Variants in GRAMD1B observed in about 807,000 individuals in gnomAD.
GRAMD1B encodes the protein protein Aster-B.
Under a neutral mutation model 99.7 loss-of-function variants are expected in GRAMD1B, and 37 were observed. The ratio of observed to expected loss-of-function variants is 0.37; its 90% CI spans 0.29 to 0.49. The LOEUF (loss-of-function observed/expected upper bound fraction) is 0.49, where lower values mean the gene tolerates loss of function less well. Among genes scored for constraint, GRAMD1B ranks in the 20% least tolerant of loss-of-function variants. GRAMD1B has a pLI of 0.98. For missense variants in GRAMD1B, 888 were observed against 1,009.2 expected, an observed-to-expected ratio of 0.88 and a Z score of 1.63; for synonymous variants, 427 against 387.6, an observed-to-expected ratio of 1.10 and a Z score of -1.19.
chr11:123,428,130 A>G (rs559302870), upstream of GRAMD1B, among the ~76,000 whole-genome samples: 2 of 152,160 alleles, frequency 1.3e-5, 1 homozygote, highest in South Asian at 4.1e-4. Context: ...CTTTCTTCCC[A>G]TAAGCCCCTG....
rs551199492 is a variant in GRAMD1B, at chr11:123,510,271, G to C, written c.452+29378G>C. ...CCTGCCAGCTGGCCTCTTCCCACAT[G>C]CCCCCCTCATCCTGACCTGTGGGTA... On this transcript the variant is annotated intron_variant, in intron 2 of 19. Transcript: ENST00000635736. The surrounding 1 kb of genome is among the most constrained non-coding windows in gnomAD (Gnocchi z 4.3). Among the ~76,000 whole-genome samples the C allele has an allele frequency of 5.3e-5, 8 of 152,126 alleles. No individual in the cohort carries two copies. In the South Asian group the frequency reaches 1.7e-3, roughly 32 times the overall value.
intron 1 of GRAMD1B, among the ~76,000 whole-genome samples, chr11:123,363,567 A>G (rs1946216667): frequency 6.7e-6 from 1 of 148,308 alleles, no homozygotes; most frequent in African/African-American, 2.6e-5. Flanking sequence ...ACTCTCTCTC[A>G]TACTTTTTTT....
intron 2 of GRAMD1B, among the ~76,000 whole-genome samples, chr11:123,533,217 C>A (rs960693307): frequency 2.6e-5 from 4 of 151,894 alleles, no homozygotes; most frequent in African/African-American, 9.7e-5. Context: ...GTGATCTGCC[C>A]GCCTCAGCCT....
At chr11:123,484,091 T>C (rs2134893158) in intron 2 of GRAMD1B, among the ~76,000 whole-genome samples, 1 of 152,262 alleles carries the variant, frequency 6.6e-6, no homozygotes, top group Non-Finnish European at 1.5e-5. Flanking sequence ...GCAATCATAA[T>C]CTCAAAATTA....
chr11:123,531,791 A>T (rs1284711736), intron 2 of GRAMD1B, among the ~76,000 whole-genome samples: 1 of 144,506 alleles, frequency 6.9e-6, no homozygotes, highest in African/African-American at 2.7e-5. Context: ...ACTGAAGTGC[A>T]ATGGTGCGAT....
At chr11:123,620,225 G>A (rs1182102023) in intron 19 of GRAMD1B, among the ~76,000 whole-genome samples, 1 of 152,170 alleles carries the variant, frequency 6.6e-6, no homozygotes, top group African/African-American at 2.4e-5. Context: ...TATAATCCCA[G>A]CACTTTGAGA....
rs1940857980 is a variant in GRAMD1B, at chr11:123,510,261, C to T, written c.452+29368C>T. Among the ~76,000 whole-genome samples the T allele has an allele frequency of 6.6e-6, 1 of 152,200 alleles. No individual in the cohort carries two copies. The highest frequency in any genetic ancestry group is 2.4e-5 in the African/African-American group (1 of 41,446). On this transcript the variant is annotated intron_variant, in intron 2 of 19. Transcript: ENST00000635736. This position sits in a 1 kb window ranked among gnomAD's most constrained non-coding sequence, Gnocchi z 4.3. ...TTGCTCATTACCTGCCAGCTGGCCT[C>T]TTCCCACATGCCCCCCTCATCCTGA...
intron 1 of GRAMD1B, among the ~76,000 whole-genome samples, chr11:123,401,038 T>C (rs7946337): frequency 0.42 from 64,090 of 152,020 alleles, 13,512 homozygotes; most frequent in African/African-American, 0.45. Context: ...CCAGTCATTA[T>C]TGAAAGCAAT....
In GRAMD1B at chr11:123,424,479, A is replaced by C. The variant is rs374123352; in HGVS notation, c.-175-56337A>C. ...AGACCCTGTCTCTAATTAAAAACAAACAACCAACCAAAAACCCTTCTGCAC... is the reference window on the plus strand; with the variant it reads ...AGACCCTGTCTCTAATTAAAAACAACCAACCAACCAAAAACCCTTCTGCAC... On this transcript the variant is annotated intron_variant, in intron 1 of 20. Transcript: ENST00000638157. 3.3e-4 allele frequency among the ~76,000 whole-genome samples: 51 copies of C among 152,250 alleles called. No individual in the cohort carries two copies. In the East Asian group the frequency reaches 3.9e-3, roughly 12 times the overall value.
intron 2 of GRAMD1B, among the ~76,000 whole-genome samples, chr11:123,544,061 A>G (rs902574290): frequency 1.1e-4 from 17 of 152,142 alleles, no homozygotes; most frequent in African/African-American, 2.2e-4. Context: ...AGCCCGTGCA[A>G]TTTTCTTAAT....
chr11:123,452,656 G>T (rs562084126), intron 1 of GRAMD1B, among the ~76,000 whole-genome samples: 1 of 152,010 alleles, frequency 6.6e-6, no homozygotes, highest in Non-Finnish European at 1.5e-5. Flanking sequence ...AAAAAAAAAA[G>T]ACCTTCCTTA....
At chr11:123,603,381 G>T (rs1265044612) in intron 8 of GRAMD1B, 45 bp from the exon 9 acceptor site, 1 of 1,186,238 alleles carries the variant, frequency 8.4e-7, no homozygotes. Context: ...CAGAGTCGGG[G>T]GACCTGAGGG....
chr11:123,539,822 T>C (rs1328451906), intron 2 of GRAMD1B, among the ~76,000 whole-genome samples: 1 of 152,214 alleles, frequency 6.6e-6, no homozygotes, highest in Non-Finnish European at 1.5e-5. Context: ...TTAATTCTGC[T>C]GTTCCTTTGC....
chr11:123,516,021 G>A (rs969146160), intron 2 of GRAMD1B, among the ~76,000 whole-genome samples: 2 of 152,078 alleles, frequency 1.3e-5, no homozygotes, highest in Non-Finnish European at 2.9e-5. Flanking sequence ...TGCCCACCTC[G>A]GCCTCCCAAA....
intron 2 of GRAMD1B, among the ~76,000 whole-genome samples, chr11:123,485,484 G>C (rs1193638064): frequency 1.3e-5 from 2 of 152,160 alleles, no homozygotes; most frequent in African/African-American, 2.4e-5. Flanking sequence ...CTGTCCTGAA[G>C]GAAAGACTTT....
chr11:123,454,267 T>G (rs1289792955), intron 1 of GRAMD1B: 2 of 152,256 alleles, frequency 1.3e-5, no homozygotes, highest in African/African-American at 4.8e-5. Flanking sequence ...CACTTCCTGG[T>G]TACTTCCTTT....
At chr11:123,370,756 G>C (rs1360093922) in intron 1 of GRAMD1B, among the ~76,000 whole-genome samples, 1 of 152,182 alleles carries the variant, frequency 6.6e-6, no homozygotes, top group East Asian at 1.9e-4. Context: ...CGTTTTTGAA[G>C]AGTCAAAATT....
At chr11:123,526,228 C>A in intron 2 of GRAMD1B, 1 of 1,459,892 alleles carries the variant, frequency 6.8e-7, no homozygotes, top group Non-Finnish European at 9.6e-7. Context: ...GCCCTGTGCT[C>A]GCCCCAGCAC....
chr11:123,595,952 G>T lies in GRAMD1B; in HGVS notation c.884G>T (p.Arg295Leu). ...IFRWETLLTVRLKDICSMTKE... is the reference protein window; with the variant it reads ...IFRWETLLTVLLKDICSMTKE... ...CCTCTTGGATGCCAGCTGACAGTCC[G>T]TTTGAAAGACATCTGTTCCATGACT... Residue 295 changes from arginine to leucine, a missense_variant, in exon 7 of 20, where the codon CGT (arginine) becomes CTT (leucine). By Grantham distance (102) the Arg-to-Leu change is moderately radical. This residue lies in a region of GRAMD1B where 62 missense variants were observed against 139.4 expected (regional missense o/e 0.44). Coordinates refer to ENST00000635736, the MANE Select transcript of GRAMD1B (RefSeq NM_001387025.1). 6.2e-7 allele frequency: 1 copy of T among 1,602,298 alleles called. No homozygotes were observed. Among genetic ancestry groups the T allele is most frequent in the Non-Finnish European group, 8.5e-7 (1 of 1,172,964 alleles).
Sources: gnomAD v4.1 joint callset for allele counts (sites outside exome capture counted in the v4.1 genomes callset) on GRCh38, gnomAD v4.1.1 for gene constraint, gnomAD v4.1.1 regional missense constraint, Gnocchi (gnomAD v3.1) non-coding constraint, MANE v1.5 for transcripts, NCBI Gene and HGNC (gene_info 2026-07-23, HGNC 2026-07-21) for gene names.